The following NHSL3 variants were observed in gnomAD, a reference collection of about 807,000 sequenced individuals.
NHSL3 encodes NHS-like protein 3.
chr1:32,770,684 G>A, the NHSL3 span: 791 of 1,531,980 alleles, frequency 5.2e-4, 7 homozygotes, highest in East Asian at 0.016. This position sits in a 1 kb window ranked among gnomAD's most constrained non-coding sequence, Gnocchi z 8.3. Context: ...CCCCCTCCCC[G>A]CCGGACCCAC....
chr1:32,749,420 C>T, the NHSL3 span, among the ~76,000 whole-genome samples: 2 of 152,150 alleles, frequency 1.3e-5, no homozygotes, highest in Admixed American at 1.3e-4. Flanking sequence ...CCAGTATGGG[C>T]CCCCAGAGAT....
the NHSL3 span, chr1:32,771,256 G>T: frequency 1.2e-6 from 2 of 1,612,846 alleles, no homozygotes; most frequent in Non-Finnish European, 1.7e-6. Context: ...CCCTGCTGTG[G>T]TTCCTGGGCC....
the NHSL3 span, chr1:32,774,192 T>A: frequency 6.6e-6 from 1 of 152,646 alleles, no homozygotes; most frequent in East Asian, 1.9e-4. Flanking sequence ...TCTTTCTTGA[T>A]CCTCTTTCCT....
the NHSL3 span, among the ~76,000 whole-genome samples, chr1:32,752,825 C>T: frequency 1.6e-4 from 24 of 150,176 alleles, no homozygotes; most frequent in African/African-American, 2.9e-4. Flanking sequence ...GTGATCTGCC[C>T]GCCTTGGCCT....
the NHSL3 span, chr1:32,772,284 A>ACCCCCCCCCCC: frequency 1.2e-6 from 1 of 819,046 alleles, no homozygotes; most frequent in Non-Finnish European, 1.8e-6. Context: ...GAGTCCCCCC[A>ACCCCCCCCCCC]CCCGCCTCCC....
the NHSL3 span, among the ~76,000 whole-genome samples, chr1:32,747,842 C>G: frequency 6.6e-6 from 1 of 152,138 alleles, no homozygotes; most frequent in African/African-American, 2.4e-5. Context: ...CACAGTGGCT[C>G]ACGCCTGTAA....
chr1:32,769,631 G>A, the NHSL3 span: 76 of 1,459,770 alleles, frequency 5.2e-5, no homozygotes, highest in African/African-American at 9.7e-4. Context: ...TGTGCCTGGA[G>A]TCCTTTGCTC....
the NHSL3 span, among the ~76,000 whole-genome samples, chr1:32,757,835 AT>A: frequency 6.6e-6 from 1 of 152,182 alleles, no homozygotes; most frequent in East Asian, 1.9e-4. Flanking sequence ...CAGTTTAGGA[AT>A]AGAAGGGTGT....
At chr1:32,753,499 T>A in the NHSL3 span, among the ~76,000 whole-genome samples, 2 of 151,674 alleles carry the variant, frequency 1.3e-5, no homozygotes, top group African/African-American at 4.8e-5. Flanking sequence ...ATAAAAAAAA[T>A]AATAAAAAAA....
the NHSL3 span, among the ~76,000 whole-genome samples, chr1:32,754,836 C>G: frequency 9.2e-5 from 14 of 152,242 alleles, no homozygotes; most frequent in African/African-American, 3.1e-4. Flanking sequence ...GTCTGGGGAC[C>G]GCCTCCATCT....
the NHSL3 span, among the ~76,000 whole-genome samples, chr1:32,744,225 T>C: frequency 2.0e-5 from 3 of 152,134 alleles, no homozygotes; most frequent in African/African-American, 7.2e-5. Context: ...CAAAGACCTA[T>C]GAGAGGCAGG....
At chr1:32,742,129 G>A in the NHSL3 span, 1 of 1,245,784 alleles carries the variant, frequency 8.0e-7, no homozygotes, top group Non-Finnish European at 1.0e-6. Flanking sequence ...CGCCGAACCG[G>A]CCGCCCCCCG....
At chr1:32,769,226 C>T in the NHSL3 span, among the ~76,000 whole-genome samples, 8 of 151,904 alleles carry the variant, frequency 5.3e-5, no homozygotes, top group Middle Eastern at 3.4e-3. Flanking sequence ...TGCACTCCAG[C>T]CTGGTCGACA....
chr1:32,766,135 A>G, the NHSL3 span, among the ~76,000 whole-genome samples: 4 of 152,036 alleles, frequency 2.6e-5, no homozygotes, highest in South Asian at 8.3e-4. Context: ...CTCCCAGTCA[A>G]GATGTACTAG....
the NHSL3 span, among the ~76,000 whole-genome samples, chr1:32,758,556 T>C: frequency 1.3e-5 from 2 of 152,046 alleles, no homozygotes; most frequent in African/African-American, 4.8e-5. Context: ...GGTGACTTGC[T>C]TGTGGGAGCC....
chr1:32,769,789 G>A, the NHSL3 span: 143 of 1,613,156 alleles, frequency 8.9e-5, no homozygotes, highest in Non-Finnish European at 1.2e-4. Context: ...GGAGCTTGGT[G>A]AGGCCTGGGT....
chr1:32,757,310 G>T, the NHSL3 span, among the ~76,000 whole-genome samples: 1 of 152,058 alleles, frequency 6.6e-6, no homozygotes, highest in Non-Finnish European at 1.5e-5. Flanking sequence ...CAAAAGTGGG[G>T]TGTTAGGAAG....
At chr1:32,742,321 GC>G in the NHSL3 span, 1 of 898,030 alleles carries the variant, frequency 1.1e-6, no homozygotes, top group Non-Finnish European at 1.5e-6. Context: ...AAGCGAAGAG[GC>G]CAGGGCTGAG....
At chr1:32,743,877 C>T in the NHSL3 span, among the ~76,000 whole-genome samples, 1 of 152,172 alleles carries the variant, frequency 6.6e-6, no homozygotes, top group Non-Finnish European at 1.5e-5. Context: ...CCTCCTTGCC[C>T]CTGGCTGTTG....
Sources: gnomAD v4.1 joint callset for allele counts (sites outside exome capture counted in the v4.1 genomes callset) on GRCh38, gnomAD v4.1.1 for gene constraint, Gnocchi (gnomAD v3.1) non-coding constraint, MANE v1.5 for transcripts, NCBI Gene and HGNC (gene_info 2026-07-23, HGNC 2026-07-21) for gene names.